Variants in RNF13 observed in about 807,000 individuals in gnomAD.
RNF13 encodes the protein ring finger protein 13, also known as E3 ubiquitin-protein ligase RNF13.
In RNF13, 19 loss-of-function variants were observed where a neutral mutation model predicts 37.7. The observed-to-expected ratio is 0.50, with a 90% CI of 0.35 to 0.74. The LOEUF (loss-of-function observed/expected upper bound fraction) is 0.74. Among genes scored for constraint, RNF13 ranks in the 30% least tolerant of loss-of-function variants. The pLI, the probability that RNF13 is intolerant of heterozygous loss-of-function variation, is 0.01. For synonymous variants in RNF13, 144 were observed against 157.8 expected (o/e 0.91, Z 0.65); for missense variants, 375 against 453.0 (o/e 0.83, Z 1.56).
intron 1 of RNF13, among the ~76,000 whole-genome samples, chr3:149,827,947 A>ATT (rs74270319): frequency 9.4e-5 from 13 of 137,778 alleles, no homozygotes; most frequent in African/African-American, 2.1e-4. Context: ...CTATCTCTCT[A>ATT]TTTTTTTTTT....
intron 7 of RNF13, among the ~76,000 whole-genome samples, chr3:149,920,593 C>T (rs1366337591): frequency 6.6e-6 from 1 of 151,760 alleles, no homozygotes; most frequent in Non-Finnish European, 1.5e-5. Flanking sequence ...GGTTTTTGGC[C>T]CTGTGTACTT....
chr3:149,845,563 T>G (rs1196368407), intron 1 of RNF13, among the ~76,000 whole-genome samples: 3 of 152,184 alleles, frequency 2.0e-5, no homozygotes, highest in Admixed American at 2.0e-4. Flanking sequence ...CAATATACAA[T>G]AGCAAATGAA....
intron 6 of RNF13, among the ~76,000 whole-genome samples, chr3:149,903,621 C>T (rs1716074828): frequency 6.6e-6 from 1 of 152,042 alleles, no homozygotes; most frequent in Admixed American, 6.6e-5. Context: ...TTGACCCTTT[C>T]CAGGTGAATA....
intron 3 of RNF13, among the ~76,000 whole-genome samples, chr3:149,855,137 G>T (rs1723518795): frequency 2.6e-5 from 4 of 152,064 alleles, no homozygotes; most frequent in African/African-American, 9.7e-5. Flanking sequence ...GAGCAACATG[G>T]TGAAACCCTG....
chr3:149,911,879 C>CATATA, intron 6 of RNF13, 99 bp from the exon 7 acceptor site: 1 of 704,936 alleles, frequency 1.4e-6, no homozygotes, highest in Admixed American at 2.3e-5. Flanking sequence ...ATTGTAATGT[C>CATATA]TATATGTCTG....
intron 3 of RNF13, among the ~76,000 whole-genome samples, chr3:149,854,503 C>G (rs1349772192): frequency 1.3e-5 from 2 of 152,072 alleles, no homozygotes; most frequent in African/African-American, 4.8e-5. Flanking sequence ...TTTCTTAATT[C>G]TTACAATGGA....
intron 1 of RNF13, among the ~76,000 whole-genome samples, chr3:149,844,838 A>G (rs550338173): frequency 1.2e-4 from 19 of 152,306 alleles, no homozygotes; most frequent in African/African-American, 4.6e-4. Flanking sequence ...GATTTTTAGT[A>G]TATTTATAGA....
chr3:149,903,929 A>ATCTGTCTG (rs897028375), intron 6 of RNF13, among the ~76,000 whole-genome samples: 21 of 147,504 alleles, frequency 1.4e-4, no homozygotes, highest in African/African-American at 5.0e-4. Context: ...CTATCTATAT[A>ATCTGTCTG]TCTGTCTATC....
chr3:149,873,378 G>C (rs1241100589), intron 4 of RNF13, among the ~76,000 whole-genome samples: 2 of 152,174 alleles, frequency 1.3e-5, no homozygotes, highest in Non-Finnish European at 2.9e-5. Context: ...TTGAATATCT[G>C]TTTTTGAAGA....
intron 1 of RNF13, among the ~76,000 whole-genome samples, chr3:149,829,059 T>C (rs1559890816): frequency 1.3e-5 from 2 of 152,110 alleles, no homozygotes; most frequent in Non-Finnish European, 2.9e-5. Flanking sequence ...TTGAGAACAA[T>C]TGGTATGAAG....
intron 1 of RNF13, among the ~76,000 whole-genome samples, chr3:149,834,760 C>T (rs1721419181): frequency 6.6e-6 from 1 of 152,206 alleles, no homozygotes; most frequent in Non-Finnish European, 1.5e-5. Context: ...AGCTTGAGGT[C>T]CTCACCAGAT....
At chr3:149,853,174 T>A (rs1017561943) in intron 3 of RNF13, among the ~76,000 whole-genome samples, 1 of 152,106 alleles carries the variant, frequency 6.6e-6, no homozygotes, top group African/African-American at 2.4e-5. Context: ...AGTGCTACAA[T>A]GAATGTTTTT....
chr3:149,858,628 T>TA (rs1457502325), intron 3 of RNF13, among the ~76,000 whole-genome samples: 2 of 152,186 alleles, frequency 1.3e-5, no homozygotes, highest in African/African-American at 4.8e-5. Context: ...TGTAACCTGG[T>TA]AGTCAGGGTA....
At chr3:149,936,228 A>G (rs1226313557) in intron 8 of RNF13, among the ~76,000 whole-genome samples, 1 of 151,854 alleles carries the variant, frequency 6.6e-6, no homozygotes, top group Non-Finnish European at 1.5e-5. Context: ...CTGGAGTTTA[A>G]TCTGTTTGGT....
chr3:149,913,257 T>C (rs1443771571), intron 7 of RNF13, among the ~76,000 whole-genome samples: 1 of 152,192 alleles, frequency 6.6e-6, no homozygotes, highest in Non-Finnish European at 1.5e-5. Flanking sequence ...TAGTAAGTTT[T>C]TCTTGCTACC....
intron 1 of RNF13, among the ~76,000 whole-genome samples, chr3:149,828,039 T>C (rs1352993752): frequency 6.6e-6 from 1 of 152,188 alleles, no homozygotes; most frequent in African/African-American, 2.4e-5. Context: ...GTAAGCCATG[T>C]TAAGTTTCAT....
intron 3 of RNF13, among the ~76,000 whole-genome samples, chr3:149,858,995 T>C (rs1723942956): frequency 6.6e-6 from 1 of 152,218 alleles, no homozygotes; most frequent in Non-Finnish European, 1.5e-5. Flanking sequence ...GTTTGGATGT[T>C]TTATTTGTGT....
chr3:149,909,571 G>T (rs115592417), intron 6 of RNF13, among the ~76,000 whole-genome samples: 5,201 of 151,628 alleles, frequency 0.034, 124 homozygotes, highest in Non-Finnish European at 0.054. Context: ...GGGATTACAG[G>T]CAAGATGCTC....
At chr3:149,862,090 G>C (rs1322933348) in intron 3 of RNF13, among the ~76,000 whole-genome samples, 2 of 151,796 alleles carry the variant, frequency 1.3e-5, no homozygotes, top group African/African-American at 2.4e-5. Context: ...GCAATATGTT[G>C]GATGGCATAT....
Sources: gnomAD v4.1 joint callset for allele counts (sites outside exome capture counted in the v4.1 genomes callset) on GRCh38, gnomAD v4.1.1 for gene constraint, MANE v1.5 for transcripts, NCBI Gene and HGNC (gene_info 2026-07-23, HGNC 2026-07-21) for gene names.